TYR: variants seen among roughly 807,000 people sequenced by gnomAD.
The protein encoded by TYR is LB24-AB.
Under a neutral mutation model 51.5 loss-of-function variants are expected in TYR, and 58 were observed. The ratio of observed to expected loss-of-function variants is 1.13; its 90% CI spans 0.91 to 1.40. The LOEUF is 1.40. Among genes scored for constraint, TYR ranks in the 40% most tolerant of loss-of-function variants. The probability of loss-of-function intolerance (pLI) is 0.00; values close to 1 mark genes in which losing one functional copy is unlikely to be tolerated. For missense variants in TYR, 732 were observed against 647.4 expected, an observed-to-expected ratio of 1.13 and a Z score of -1.42; for synonymous variants, 263 against 235.2, an observed-to-expected ratio of 1.12 and a Z score of -1.08.
chr11:89,206,236 G>T (rs1244478163), intron 2 of TYR, among the ~76,000 whole-genome samples: 3 of 151,994 alleles, frequency 2.0e-5, no homozygotes, highest in African/African-American at 7.2e-5. Context: ...ATTTAAAAAT[G>T]ACCTATATTG....
intron 2 of TYR, among the ~76,000 whole-genome samples, chr11:89,214,563 G>T (rs1229056955): frequency 1.3e-5 from 2 of 152,118 alleles, no homozygotes; most frequent in Admixed American, 6.6e-5. Flanking sequence ...TCATGCTATT[G>T]TAAAGACACA....
rs1039088543 is a variant in TYR, at chr11:89,187,122, G to A, written c.820-4080G>A. On this transcript the variant is annotated intron_variant, in intron 1 of 4. Transcript: ENST00000263321. ...TTAGCATGGAGGTTTCAATCCCTAG[G>A]GAGTCACCTATTCACTATAGACTGA... Among the ~76,000 whole-genome samples, 8 of 152,126 alleles carry A rather than the reference G, an allele frequency of 5.3e-5. No individual in the cohort carries two copies. In the South Asian group the frequency reaches 8.3e-4, roughly 16 times the overall value.
chr11:89,250,627 C>A (rs1944319650), intron 3 of TYR, among the ~76,000 whole-genome samples: 1 of 151,836 alleles, frequency 6.6e-6, no homozygotes, highest in Admixed American at 6.6e-5. Flanking sequence ...TCTTCTAAGG[C>A]CTCTCTCTTT....
Position 89,178,709 on chromosome 11 carries a change from G to A in TYR, c.756G>A (p.Met252Ile), listed in dbSNP as rs1943262219. 3 of 1,613,970 alleles carry A rather than the reference G, an allele frequency of 1.9e-6. No individual in the cohort carries two copies. Among genetic ancestry groups the A allele is most frequent in the East Asian group, 2.2e-5 (1 of 44,858 alleles). Residue 252 changes from methionine (M) to isoleucine (I), a missense_variant, in exon 1 of 5, where the codon ATG becomes ATA. Met to Ile is a conservative substitution (Grantham distance 10, BLOSUM62 1). Transcript: ENST00000263321. ...GTGACATTTGCACAGATGAGTACAT[G>A]GGAGGTCAGCACCCCACAAATCCTA... ...EKCDICTDEYMGGQHPTNPNL... is the reference protein window; with the variant it reads ...EKCDICTDEYIGGQHPTNPNL...
chr11:89,237,453 G>A (rs1184486035), intron 3 of TYR, among the ~76,000 whole-genome samples: 1 of 152,018 alleles, frequency 6.6e-6, no homozygotes, highest in Non-Finnish European at 1.5e-5. Context: ...ATATATTGAT[G>A]AGCCTATCCA....
chr11:89,208,562 A>T (rs1269461670), intron 2 of TYR, among the ~76,000 whole-genome samples: 1 of 152,220 alleles, frequency 6.6e-6, no homozygotes, highest in Non-Finnish European at 1.5e-5. Flanking sequence ...AACAGCTATT[A>T]TCACTTTGTT....
chr11:89,221,874 A>C (rs971279469), intron 2 of TYR, among the ~76,000 whole-genome samples: 1 of 152,236 alleles, frequency 6.6e-6, no homozygotes, highest in African/African-American at 2.4e-5. Context: ...CTGAAGATTT[A>C]ACTACACACC....
At chr11:89,292,568 C>T (rs538546372) in intron 4 of TYR, among the ~76,000 whole-genome samples, 8 of 151,984 alleles carry the variant, frequency 5.3e-5, no homozygotes, top group Non-Finnish European at 1.2e-4. Flanking sequence ...TCTGTTGTTG[C>T]TTTTTAAAGT....
rs1944055019 is a variant in TYR at position 89,231,852 on chromosome 11, G to A, written c.1184+3882G>A. On this transcript the variant is annotated intron_variant, in intron 3 of 4. Coordinates refer to ENST00000263321, the MANE Select transcript of TYR (RefSeq NM_000372.5). ...TACAAAAATTTCGCCAGGCATGGTG[G>A]TGTGCGCTTGTGATCACAGCTGCTC... Among the ~76,000 whole-genome samples, 2 of 140,372 alleles carry A rather than the reference G, an allele frequency of 1.4e-5. 1 individual carries two copies. Among genetic ancestry groups the A allele is most frequent in the African/African-American group, 5.7e-5 (2 of 34,834 alleles). 92.1% of individuals were successfully genotyped at this position (140,372 alleles called of 152,430 possible).
chr11:89,240,094 G>C (rs936327424), intron 3 of TYR, among the ~76,000 whole-genome samples: 2 of 152,168 alleles, frequency 1.3e-5, no homozygotes, highest in East Asian at 1.9e-4. Flanking sequence ...TATTGAGTAG[G>C]GTGGGGTGGA....
intron 1 of TYR, among the ~76,000 whole-genome samples, chr11:89,181,784 C>T (rs1943303610): frequency 6.6e-6 from 1 of 151,564 alleles, no homozygotes; most frequent in African/African-American, 2.4e-5. Flanking sequence ...CATCTGAGGA[C>T]TAAAACCAAG....
chr11:89,275,706 C>T (rs975358447), intron 3 of TYR, among the ~76,000 whole-genome samples: 42 of 151,550 alleles, frequency 2.8e-4, no homozygotes, highest in Non-Finnish European at 5.9e-4. Flanking sequence ...GATTAATGTA[C>T]AGAAAAAGAA....
intron 1 of TYR, among the ~76,000 whole-genome samples, chr11:89,188,906 A>G (rs1943408765): frequency 6.6e-6 from 1 of 152,024 alleles, no homozygotes; most frequent in Non-Finnish European, 1.5e-5. Context: ...TAATGTTTGC[A>G]TCAGTCAGGA....
intron 2 of TYR, among the ~76,000 whole-genome samples, chr11:89,197,358 C>T (rs1943534274): frequency 6.6e-6 from 1 of 152,112 alleles, no homozygotes; most frequent in Non-Finnish European, 1.5e-5. Flanking sequence ...AATTAAGAAA[C>T]TGAAGTTTAT....
intron 2 of TYR, among the ~76,000 whole-genome samples, chr11:89,215,521 A>G (rs2135272669): frequency 7.0e-6 from 1 of 142,862 alleles, no homozygotes; most frequent in East Asian, 2.0e-4. Flanking sequence ...AAGTATAATA[A>G]TAGTAATAAA....
chr11:89,220,382 G>A, intron 2 of TYR, among the ~76,000 whole-genome samples: 1 of 152,100 alleles, frequency 6.6e-6, no homozygotes, highest in Middle Eastern at 3.2e-3. Context: ...CAAACGGATG[G>A]TACTAAACTA....
chr11:89,255,764 C>T (rs1944383378), intron 3 of TYR, among the ~76,000 whole-genome samples: 1 of 151,504 alleles, frequency 6.6e-6, no homozygotes, highest in Non-Finnish European at 1.5e-5. Context: ...CTAATTTATT[C>T]TTGTTGGTGG....
intron 3 of TYR, among the ~76,000 whole-genome samples, chr11:89,237,223 T>G (rs1043139196): frequency 6.6e-6 from 1 of 152,206 alleles, no homozygotes; most frequent in African/African-American, 2.4e-5. Flanking sequence ...ATCCTGTTTG[T>G]ATATTTTTTA....
At chr11:89,242,138 T>C (rs1163009574) in intron 3 of TYR, among the ~76,000 whole-genome samples, 20 of 151,962 alleles carry the variant, frequency 1.3e-4, no homozygotes, top group Non-Finnish European at 2.5e-4. Flanking sequence ...GAAAGATGAG[T>C]GTCCAGGATA....
Sources: allele counts gnomAD v4.1 joint callset (sites outside exome capture counted in the v4.1 genomes callset), GRCh38; gene constraint gnomAD v4.1.1; transcripts MANE v1.5; gene names NCBI Gene and HGNC (gene_info 2026-07-23, HGNC 2026-07-21).